Variants in TENM2 observed in about 807,000 individuals in gnomAD.
TENM2 encodes the protein teneurin transmembrane protein 2.
TENM2 carries 52 observed loss-of-function variants against 245.2 expected under a neutral mutation model. The ratio of observed to expected loss-of-function variants is 0.21; its 90% CI spans 0.17 to 0.27. TENM2 has a LOEUF of 0.27. Among genes scored for constraint, TENM2 ranks in the 10% least tolerant of loss-of-function variants. The pLI is 1.00. For synonymous variants in TENM2, 1,363 were observed against 1,438.9 expected (o/e 0.95, Z 1.19); for missense variants, 3,046 against 3,666.8 (o/e 0.83, Z 4.37).
intron 2 of TENM2, among the ~76,000 whole-genome samples, chr5:167,823,810 G>T (rs1767737418): frequency 6.6e-6 from 1 of 152,150 alleles, no homozygotes; most frequent in African/African-American, 2.4e-5. Flanking sequence ...TTTAGTTGAA[G>T]AATTTTCTAA....
At chr5:167,619,627 G>C (rs1253957342) in intron 2 of TENM2, among the ~76,000 whole-genome samples, 1 of 152,106 alleles carries the variant, frequency 6.6e-6, no homozygotes, top group South Asian at 2.1e-4. Context: ...TTGTCTTGAG[G>C]ATTAAAATAA....
chr5:167,493,136 ACCTT>A (rs1474518453), intron 2 of TENM2, among the ~76,000 whole-genome samples: 1 of 152,012 alleles, frequency 6.6e-6, no homozygotes, highest in Admixed American at 6.6e-5. Flanking sequence ...CATTCAAGAA[ACCTT>A]TGGTGGCCCA....
intron 1 of TENM2, among the ~76,000 whole-genome samples, chr5:167,369,030 A>T (rs187901472): frequency 3.8e-4 from 55 of 143,652 alleles, no homozygotes; most frequent in African/African-American, 1.3e-3. Flanking sequence ...GTGTGTTTGT[A>T]AAAGTGTAGG....
At chr5:167,152,022 A>G in the TENM2 span, among the ~76,000 whole-genome samples, 1 of 152,188 alleles carries the variant, frequency 6.6e-6, no homozygotes, top group Non-Finnish European at 1.5e-5. Flanking sequence ...CCAGTGTGGT[A>G]TGTGGGGCCC....
chr5:167,200,167 G>A, the TENM2 span, among the ~76,000 whole-genome samples: 1 of 151,846 alleles, frequency 6.6e-6, no homozygotes, highest in Non-Finnish European at 1.5e-5. Context: ...GTGTGTGTGT[G>A]TGTGTGAATT....
intron 7 of TENM2, among the ~76,000 whole-genome samples, chr5:168,076,504 G>A (rs1036865696): frequency 6.6e-5 from 10 of 151,998 alleles, no homozygotes; most frequent in African/African-American, 2.2e-4. Flanking sequence ...GATTACCGGC[G>A]TGAGCCACTA....
At chr5:167,309,256 C>T (rs1447044874) in intron 1 of TENM2, among the ~76,000 whole-genome samples, 1 of 152,108 alleles carries the variant, frequency 6.6e-6, no homozygotes, top group Non-Finnish European at 1.5e-5. Flanking sequence ...TTCTCTGACC[C>T]CACTGGGTTG....
At chr5:167,349,766 A>T (rs1483566566) in intron 1 of TENM2, among the ~76,000 whole-genome samples, 1 of 152,162 alleles carries the variant, frequency 6.6e-6, no homozygotes, top group African/African-American at 2.4e-5. Context: ...GTGTTCTGAT[A>T]CTAGCTTAGG....
At chr5:167,890,175 A>G (rs1375092178) in intron 3 of TENM2, among the ~76,000 whole-genome samples, 1 of 152,136 alleles carries the variant, frequency 6.6e-6, no homozygotes, top group Non-Finnish European at 1.5e-5. Flanking sequence ...ATGTTTTGAA[A>G]GTTCTTTTCC....
chr5:167,853,289 CAAAA>C (rs777170514), intron 2 of TENM2, among the ~76,000 whole-genome samples: 76 of 24,614 alleles, frequency 3.1e-3, no homozygotes, highest in African/African-American at 9.4e-3. Context: ...GACTCCGTCT[CAAAA>C]AAAAAAAAAA....
intron 2 of TENM2, among the ~76,000 whole-genome samples, chr5:167,408,139 C>A (rs573674467): frequency 6.6e-6 from 1 of 152,098 alleles, no homozygotes; most frequent in East Asian, 1.9e-4. Flanking sequence ...ACATTGAAAA[C>A]CAAACATATC....
rs144048790 is a variant in TENM2 at position 168,088,949 on chromosome 5, G to C, written c.1516-1625G>C. ...CTGTAACCCATAAAAACCTTTTTAT[G>C]GAAGGGAAAGTGGAGAGATTGCTTA... On this transcript the variant is annotated intron_variant, in intron 7 of 28. Coordinates refer to ENST00000518659, the Ensembl canonical transcript of TENM2. Among the ~76,000 whole-genome samples the C allele has an allele frequency of 2.0e-5, 3 of 152,266 alleles. No individual in the cohort carries two copies. In the East Asian group the frequency reaches 5.8e-4, roughly 29 times the overall value.
intron 2 of TENM2, among the ~76,000 whole-genome samples, chr5:167,854,734 C>G (rs185323407): frequency 6.6e-6 from 1 of 152,126 alleles, no homozygotes; most frequent in African/African-American, 2.4e-5. Flanking sequence ...TATGTAAATG[C>G]GGTAGGAAGG....
At chr5:167,869,954 A>T (rs1438387890) in intron 2 of TENM2, among the ~76,000 whole-genome samples, 1 of 152,252 alleles carries the variant, frequency 6.6e-6, no homozygotes, top group East Asian at 1.9e-4. Flanking sequence ...CTTCAAAAAT[A>T]GGGGCTTCAC....
chr5:168,152,452 A>G (rs996816085), intron 12 of TENM2, among the ~76,000 whole-genome samples: 2 of 152,216 alleles, frequency 1.3e-5, no homozygotes, highest in Non-Finnish European at 2.9e-5. Flanking sequence ...AGAAGTAACA[A>G]GTCCGTGCCC....
chr5:167,153,979 C>T, the TENM2 span, among the ~76,000 whole-genome samples: 1 of 152,116 alleles, frequency 6.6e-6, no homozygotes, highest in African/African-American at 2.4e-5. Context: ...CAAATTCAGT[C>T]CTATGTGAAA....
At chr5:167,868,711 G>A (rs1358579474) in intron 2 of TENM2, among the ~76,000 whole-genome samples, 5 of 139,838 alleles carry the variant, frequency 3.6e-5, no homozygotes, top group Non-Finnish European at 7.6e-5. Context: ...ACTCCAGCCT[G>A]AGTGACAGAT....
chr5:167,902,286 A>T (rs893733691), intron 3 of TENM2, among the ~76,000 whole-genome samples: 3 of 152,194 alleles, frequency 2.0e-5, no homozygotes, highest in African/African-American at 4.8e-5. Context: ...AAGTGTAAAA[A>T]GTGCTCGACA....
At chr5:167,740,942 C>T (rs143276665) in intron 2 of TENM2, among the ~76,000 whole-genome samples, 8 of 152,206 alleles carry the variant, frequency 5.3e-5, no homozygotes, top group Admixed American at 2.0e-4. Flanking sequence ...CTCATTCCAA[C>T]GTGAGAACCT....
Sources: allele counts gnomAD v4.1 joint callset (sites outside exome capture counted in the v4.1 genomes callset), GRCh38; gene constraint gnomAD v4.1.1; transcripts MANE v1.5; gene names NCBI Gene and HGNC (gene_info 2026-07-23, HGNC 2026-07-21).